LAPTM4B: variants seen among roughly 807,000 people sequenced by gnomAD.
The protein encoded by LAPTM4B is lysosomal protein transmembrane 4 beta.
In LAPTM4B, 26 loss-of-function variants were observed where a neutral mutation model predicts 28.5. That is an observed-to-expected ratio of 0.91 (90% CI 0.67 to 1.27). The LOEUF (loss-of-function observed/expected upper bound fraction) is 1.27. Ranked by LOEUF, LAPTM4B falls within the 50% of genes most tolerant of loss-of-function variation. The pLI is 0.00. For synonymous variants in LAPTM4B, 109 were observed against 106.4 expected (o/e 1.02, Z -0.15); for missense variants, 288 against 285.8 (o/e 1.01, Z -0.06).
At chr8:97,823,161 A>G (rs1318748061) in intron 5 of LAPTM4B, among the ~76,000 whole-genome samples, 2 of 151,814 alleles carry the variant, frequency 1.3e-5, no homozygotes, top group South Asian at 2.1e-4. Context: ...TTCTAATTCA[A>G]TATTGCAGAA....
chr8:97,793,287 A>C (rs574494588), intron 1 of LAPTM4B, among the ~76,000 whole-genome samples: 6 of 152,108 alleles, frequency 3.9e-5, no homozygotes, highest in African/African-American at 1.4e-4. Context: ...CTGTTGATGT[A>C]TGTTTCTTCC....
intron 1 of LAPTM4B, among the ~76,000 whole-genome samples, chr8:97,794,103 C>A (rs1210220142): frequency 1.3e-5 from 2 of 152,242 alleles, no homozygotes; most frequent in African/African-American, 4.8e-5. Flanking sequence ...CCTCAGCCTC[C>A]CAAGTAGCTG....
At chr8:97,822,695 A>C (rs919560671) in intron 5 of LAPTM4B, among the ~76,000 whole-genome samples, 9 of 152,018 alleles carry the variant, frequency 5.9e-5, no homozygotes, top group African/African-American at 2.2e-4. Flanking sequence ...AATGCACTTA[A>C]TTTTTTAAAA....
chr8:97,822,707 A>T (rs1817026404), intron 5 of LAPTM4B, among the ~76,000 whole-genome samples: 2 of 152,118 alleles, frequency 1.3e-5, no homozygotes, highest in Non-Finnish European at 2.9e-5. Flanking sequence ...TTTTTAAAAA[A>T]ATTTTGTGGG....
At chr8:97,783,373 C>G (rs142191699) in intron 1 of LAPTM4B, among the ~76,000 whole-genome samples, 1 of 151,980 alleles carries the variant, frequency 6.6e-6, no homozygotes, top group Non-Finnish European at 1.5e-5. Flanking sequence ...CTCACAGTTT[C>G]CTTGTTTACT....
At chr8:97,776,586 C>T (rs188955409) in intron 1 of LAPTM4B, among the ~76,000 whole-genome samples, 252 of 152,330 alleles carry the variant, frequency 1.7e-3, no homozygotes, top group Middle Eastern at 0.01. Context: ...TGCTCGTTCT[C>T]CCTGGCCGCG....
intron 1 of LAPTM4B, among the ~76,000 whole-genome samples, chr8:97,787,061 C>CT (rs1488792967): frequency 1.3e-5 from 2 of 152,120 alleles, no homozygotes; most frequent in East Asian, 3.9e-4. Flanking sequence ...TCTCTGGGTT[C>CT]TAAGGAGGCT....
chr8:97,831,834 C>T (rs923164459), intron 6 of LAPTM4B, among the ~76,000 whole-genome samples: 1 of 152,110 alleles, frequency 6.6e-6, no homozygotes, highest in African/African-American at 2.4e-5. Flanking sequence ...GCAGTGGGGT[C>T]AGATGTTTTT....
intron 6 of LAPTM4B, among the ~76,000 whole-genome samples, chr8:97,840,103 A>G (rs1817323847): frequency 6.6e-6 from 1 of 152,250 alleles, no homozygotes; most frequent in African/African-American, 2.4e-5. Context: ...CTTCAGGAAC[A>G]TGCAGAGGCA....
At chr8:97,787,560 A>C (rs1816423826) in intron 1 of LAPTM4B, among the ~76,000 whole-genome samples, 1 of 152,218 alleles carries the variant, frequency 6.6e-6, no homozygotes. Flanking sequence ...CTGGGATTAC[A>C]GGCATGAACC....
At chr8:97,795,316 C>G (rs1816564994) in intron 1 of LAPTM4B, among the ~76,000 whole-genome samples, 1 of 152,020 alleles carries the variant, frequency 6.6e-6, no homozygotes. Flanking sequence ...TCTTGAACTC[C>G]TGGTCTCAGT....
chr8:97,818,181 A>C (rs960114052), intron 4 of LAPTM4B, among the ~76,000 whole-genome samples: 2 of 152,214 alleles, frequency 1.3e-5, no homozygotes, highest in Non-Finnish European at 2.9e-5. Flanking sequence ...TTTATTTCTT[A>C]GATATTTTGT....
chr8:97,795,967 C>G (rs11783428), intron 1 of LAPTM4B, among the ~76,000 whole-genome samples: 15,208 of 152,112 alleles, frequency 0.1, 1,070 homozygotes, highest in Non-Finnish European at 0.15. Flanking sequence ...GTTTTCCCCA[C>G]TCACCTTTGT....
rs531003716 is a variant in LAPTM4B, at chr8:97,834,572, T to C, written c.603+9419T>C. ...TTGTGTGTGTGTGTGTGTGTGTTTATGTGTGTGTGTTTGAAGAGACAGGGT... is the reference window on the plus strand; with the variant it reads ...TTGTGTGTGTGTGTGTGTGTGTTTACGTGTGTGTGTTTGAAGAGACAGGGT... On this transcript the variant is annotated intron_variant, in intron 6 of 6. Coordinates refer to ENST00000521545, the MANE Select transcript of LAPTM4B (RefSeq NM_018407.6). Among the ~76,000 whole-genome samples, 253 of 152,152 alleles carry C rather than the reference T, an allele frequency of 1.7e-3. 1 individual carries two copies. Among genetic ancestry groups the C allele is most frequent in the African/African-American group, 5.7e-3 (238 of 41,502 alleles).
Position 97,805,396 on chromosome 8 carries a change from C to G in LAPTM4B, c.143C>G (p.Ala48Gly). Residue 48 changes from alanine to glycine, a missense_variant, in exon 2 of 7, where the codon GCT (alanine) becomes GGT (glycine). Transcript: ENST00000521545. ...VVLLILLSALADPDQYNFSSS... is the reference protein window; with the variant it reads ...VVLLILLSALGDPDQYNFSSS... ...CTGTTGATTTTATTGAGTGCCCTGG[C>G]TGATCCGGATCAGTATAACTTTTCA... 6.2e-7 allele frequency: 1 copy of G among 1,608,402 alleles called. No homozygotes were observed. The highest frequency in any genetic ancestry group is 2.2e-5 in the East Asian group (1 of 44,752).
rs190877869 is a variant in LAPTM4B at position 97,813,328 on chromosome 8, G to A, written c.212-2000G>A. 7.2e-4 allele frequency among the ~76,000 whole-genome samples: 110 copies of A among 152,366 alleles called. 2 individuals are homozygous for A. Among genetic ancestry groups the A allele is most frequent in the Admixed American group, 6.6e-3 (101 of 15,306 alleles). ...GGTGTCTGATGTTCGAGGGCAAGAA[G>A]CATCCAGCACGGGAGAAAGATGGAA... On this transcript the variant is annotated intron_variant, in intron 2 of 6. Transcript: ENST00000521545.
At chr8:97,808,987 T>G (rs989996306) in intron 2 of LAPTM4B, among the ~76,000 whole-genome samples, 1 of 151,436 alleles carries the variant, frequency 6.6e-6, no homozygotes, top group Non-Finnish European at 1.5e-5. Context: ...AAGAAAGTAA[T>G]TACAAACTAT....
Position 97,796,203 on chromosome 8 carries a change from A to G in LAPTM4B, c.100-9150A>G, listed in dbSNP as rs146061400. ...TGATCTACCTGCCTCGAGCTCCCAA[A>G]GTGCTGGGATTATAAGCACCAGCCA... On this transcript the variant is annotated intron_variant, in intron 1 of 6. Coordinates refer to ENST00000521545, the MANE Select transcript of LAPTM4B (RefSeq NM_018407.6). Among the ~76,000 whole-genome samples, 809 of 152,328 alleles carry G rather than the reference A, an allele frequency of 5.3e-3. 6 individuals are homozygous for G. The highest frequency in any genetic ancestry group is 9.5e-3 in the Admixed American group (145 of 15,300).
chr8:97,822,964 C>T (rs987497012), intron 5 of LAPTM4B, among the ~76,000 whole-genome samples: 3 of 152,000 alleles, frequency 2.0e-5, no homozygotes, highest in Admixed American at 6.6e-5. Context: ...GCCTCAGCCT[C>T]CCGAGTAGTT....
Sources: gnomAD v4.1 joint callset for allele counts (sites outside exome capture counted in the v4.1 genomes callset) on GRCh38, gnomAD v4.1.1 for gene constraint, MANE v1.5 for transcripts, NCBI Gene and HGNC (gene_info 2026-07-23, HGNC 2026-07-21) for gene names.